Variants in A1CF observed in about 807,000 individuals in gnomAD.
A1CF encodes APOBEC-1 stimulating protein.
A1CF carries 48 observed loss-of-function variants against 68.9 expected under a neutral mutation model. The ratio of observed to expected loss-of-function variants is 0.70; its 90% CI spans 0.55 to 0.89. A1CF has a LOEUF of 0.89. Ranked by LOEUF, A1CF falls within the 40% of genes least tolerant of loss-of-function variation. The pLI, the probability that A1CF is intolerant of heterozygous loss-of-function variation, is 0.00. For missense variants in A1CF, 653 were observed against 718.9 expected (o/e 0.91, Z 1.05); for synonymous variants, 272 against 260.4 (o/e 1.04, Z -0.43).
chr10:50,824,688 T>G (rs1329690410), intron 7 of A1CF, among the ~76,000 whole-genome samples: 1 of 151,992 alleles, frequency 6.6e-6, no homozygotes, highest in Non-Finnish European at 1.5e-5. Flanking sequence ...AATGAATGAG[T>G]GAGTGAATGG....
intron 3 of A1CF, among the ~76,000 whole-genome samples, chr10:50,855,229 AT>A (rs959317526): frequency 3.3e-5 from 5 of 151,588 alleles, no homozygotes; most frequent in South Asian, 4.2e-4. Context: ...TCATAATGTA[AT>A]TTTTTTTGTC....
rs750699441 is a variant in A1CF, at chr10:50,806,547, CAT to C, written c.*180_*181del. 3.6e-4 allele frequency: 170 copies of C among 470,634 alleles called. 1 individual carries two copies. In the Middle Eastern group the frequency reaches 6.0e-3, roughly 17 times the overall value. The allele number at this position is 470,634 out of a possible 1,614,324, so 29.2% of individuals were successfully genotyped here. A position where few individuals can be genotyped will look rare whatever the true frequency, so the allele number is the denominator to read the frequency against. ...CAAAAGGCTCTTTAACATTTGATTT[CAT>C]TTCAGAATAACGTTCTTACTTCATG... is the stretch of plus-strand genomic sequence containing the variant. On this transcript the variant is annotated 3_prime_UTR_variant, in exon 13 of 13. Transcript: ENST00000373997.
In A1CF at chr10:50,801,784, C is replaced by A. The variant is rs548389442; in HGVS notation, c.*4945G>T. Reference sequence around the variant, plus strand: ...GAATTCCATATTTTATTCCAGGCATCTTCAGATGAATGAGGTATTTTGGTT... The same window carrying A: ...GAATTCCATATTTTATTCCAGGCATATTCAGATGAATGAGGTATTTTGGTT... On this transcript the variant is annotated 3_prime_UTR_variant, in exon 13 of 13. Transcript: ENST00000373997. The A allele has an allele frequency of 1.3e-5, 2 of 152,290 alleles. No individual in the cohort carries two copies. Among genetic ancestry groups the A allele is most frequent in the South Asian group, 4.1e-4 (2 of 4,824 alleles). 9.4% of individuals were successfully genotyped at this position (152,290 alleles called of 1,614,324 possible).
intron 1 of A1CF, among the ~76,000 whole-genome samples, chr10:50,875,061 G>A (rs61856593): frequency 0.16 from 23,844 of 152,064 alleles, 1,971 homozygotes; most frequent in Non-Finnish European, 0.17. Context: ...CAAAACAATT[G>A]AGAATAATTG....
chr10:50,811,673 T>C (rs1774100295), intron 10 of A1CF, among the ~76,000 whole-genome samples: 1 of 152,252 alleles, frequency 6.6e-6, no homozygotes, highest in African/African-American at 2.4e-5. Flanking sequence ...GCTTGGTATT[T>C]ATCGAGTGTT....
chr10:50,830,996 A>G (rs1839210786), intron 6 of A1CF, among the ~76,000 whole-genome samples: 2 of 152,366 alleles, frequency 1.3e-5, no homozygotes, highest in Admixed American at 6.5e-5. Context: ...GGTGCCAAGA[A>G]CACACAATGG....
intron 1 of A1CF, among the ~76,000 whole-genome samples, chr10:50,879,213 T>A (rs766429420): frequency 1.1e-4 from 17 of 152,168 alleles, no homozygotes; most frequent in Non-Finnish European, 1.9e-4. Flanking sequence ...CTGAATTAGG[T>A]CAGTTTAAAT....
At chr10:50,849,378 C>A (rs1176360456) in intron 3 of A1CF, among the ~76,000 whole-genome samples, 1 of 152,148 alleles carries the variant, frequency 6.6e-6, no homozygotes. Context: ...GGCATTATTT[C>A]TATTGGCTAT....
At position 50,833,967 on chromosome 10, in the gene A1CF, A is replaced by G. The variant is rs547369443; in HGVS notation, c.604+2107T>C. On this transcript the variant is annotated intron_variant, in intron 6 of 12. Transcript: ENST00000373997. ...GACGGGGAGGGGAGGCAGCCTCCCT[A>G]TGGCATATCCTGGACAGAGAATCCA... Among the ~76,000 whole-genome samples, 18 of 152,264 alleles carry G rather than the reference A, an allele frequency of 1.2e-4. No homozygotes were observed. In the South Asian group the frequency reaches 2.3e-3, roughly 19 times the overall value.
chr10:50,879,122 C>A (rs1211403143), intron 1 of A1CF, among the ~76,000 whole-genome samples: 4 of 152,192 alleles, frequency 2.6e-5, no homozygotes, highest in Non-Finnish European at 5.9e-5. Flanking sequence ...CTTGTGGGAA[C>A]AAACTCTTAT....
chr10:50,850,626 G>A lies in A1CF; in HGVS notation c.100-6504C>T, dbSNP rs1205254354. 5.6e-6 allele frequency: 9 copies of A among 1,612,772 alleles called. 1 individual carries two copies. Among genetic ancestry groups the A allele is most frequent in the South Asian group, 3.3e-5 (3 of 90,996 alleles). ...TGTGTGTGTTTCTGTAAAAGAGAAC[G>A]AGTAAAATGCCAACTCACTTCTAAG... On this transcript the variant is annotated intron_variant, in intron 3 of 12. Coordinates refer to ENST00000373997, the MANE Select transcript of A1CF (RefSeq NM_014576.4).
chr10:50,871,400 T>C lies in A1CF; in HGVS notation c.-93-7320A>G, dbSNP rs77007715. ...ATCTAAAGGCCTTAGTAAATGGAAG[T>C]TTTGCTGATGTAAAAATATCAGTTT... On this transcript the variant is annotated intron_variant, in intron 1 of 12. Transcript: ENST00000373997. Among the ~76,000 whole-genome samples the C allele has an allele frequency of 7.9e-4, 120 of 152,002 alleles. 1 individual carries two copies. The highest frequency in any genetic ancestry group is 2.9e-3 in the African/African-American group (119 of 41,550).
chr10:50,816,381 G>T, intron 8 of A1CF, 102 bp from the exon 9 acceptor site: 1 of 1,283,444 alleles, frequency 7.8e-7, no homozygotes, highest in Non-Finnish European at 1.1e-6. Context: ...TAGACTATTT[G>T]CTGTAGGTTT....
At chr10:50,813,676 T>C (rs940224063) in intron 10 of A1CF, among the ~76,000 whole-genome samples, 181 bp downstream of exon 10, 1 of 152,168 alleles carries the variant, frequency 6.6e-6, no homozygotes, top group African/African-American at 2.4e-5. Flanking sequence ...GGACCTATAA[T>C]AGAATAATGG....
At chr10:50,879,368 A>G (rs889405258) in intron 1 of A1CF, among the ~76,000 whole-genome samples, 1 of 152,120 alleles carries the variant, frequency 6.6e-6, no homozygotes, top group African/African-American at 2.4e-5. Context: ...CATTCATCAC[A>G]ATTACTTTTT....
intron 3 of A1CF, among the ~76,000 whole-genome samples, chr10:50,856,775 G>T (rs573122100): frequency 6.6e-6 from 1 of 151,860 alleles, no homozygotes; most frequent in Non-Finnish European, 1.5e-5. Flanking sequence ...AATATTTTTT[G>T]TTATTATTAT....
chr10:50,860,954 G>A (rs570946339), intron 2 of A1CF, among the ~76,000 whole-genome samples: 1 of 152,250 alleles, frequency 6.6e-6, no homozygotes, highest in South Asian at 2.1e-4. Context: ...CCTGCTTAAT[G>A]TGCTCTGCCA....
chr10:50,869,884 T>A (rs1304852204), intron 1 of A1CF, among the ~76,000 whole-genome samples: 1 of 151,964 alleles, frequency 6.6e-6, no homozygotes, highest in Non-Finnish European at 1.5e-5. Context: ...ATTTGACTAT[T>A]TTTAGCTTCC....
At chr10:50,850,885 T>C (rs1385515738) in intron 3 of A1CF, 2 of 1,475,144 alleles carry the variant, frequency 1.4e-6, no homozygotes. Flanking sequence ...GAATGTGTAA[T>C]TTATTCAATA....
Sources: gnomAD v4.1 joint callset for allele counts (sites outside exome capture counted in the v4.1 genomes callset) on GRCh38, gnomAD v4.1.1 for gene constraint, MANE v1.5 for transcripts, NCBI Gene and HGNC (gene_info 2026-07-23, HGNC 2026-07-21) for gene names.